The following GPC6 variants were observed in gnomAD, a reference collection of about 807,000 sequenced individuals.
The protein encoded by GPC6 is glypican-6.
GPC6 carries 14 observed loss-of-function variants against 55.2 expected under a neutral mutation model. That is an observed-to-expected ratio of 0.25 (90% CI 0.17 to 0.40). The LOEUF is 0.40. Among genes scored for constraint, GPC6 ranks in the 10% least tolerant of loss-of-function variants. GPC6 has a pLI of 1.00. For missense variants in GPC6, 641 were observed against 708.5 expected (o/e 0.90, Z 1.08); for synonymous variants, 278 against 259.6 (o/e 1.07, Z -0.68).
chr13:94,002,596 A>G (rs1359732124), intron 3 of GPC6, among the ~76,000 whole-genome samples: 1 of 152,188 alleles, frequency 6.6e-6, no homozygotes, highest in East Asian at 1.9e-4. Context: ...ATGTAAAAGC[A>G]AAGGGAATTA....
chr13:94,111,601 C>A (rs1275133964), intron 4 of GPC6, among the ~76,000 whole-genome samples: 2 of 151,838 alleles, frequency 1.3e-5, no homozygotes, highest in Non-Finnish European at 2.9e-5. Flanking sequence ...GTGAATTATT[C>A]TCTGATTTCT....
At chr13:93,786,233 T>A (rs980413377) in intron 2 of GPC6, among the ~76,000 whole-genome samples, 1 of 152,084 alleles carries the variant, frequency 6.6e-6, no homozygotes, top group Non-Finnish European at 1.5e-5. Context: ...GCAGGAGAAG[T>A]GTAATGAAGC....
intron 2 of GPC6, among the ~76,000 whole-genome samples, chr13:93,610,820 A>G (rs1878430337): frequency 6.6e-6 from 1 of 152,062 alleles, no homozygotes. Context: ...GCTGATTGCA[A>G]CTGACTGGAT....
Position 93,830,484 on chromosome 13 carries a change from C to T in GPC6, c.650C>T (p.Ala217Val). The T allele has an allele frequency of 1.2e-6, 2 of 1,613,862 alleles. No individual in the cohort carries two copies. Among genetic ancestry groups the T allele is most frequent in the Non-Finnish European group, 1.7e-6 (2 of 1,179,844 alleles). The change falls in exon 3 of 9, where the codon GCT (alanine) becomes GTT (valine). Residue 217 changes from alanine (A) to valine (V), a missense_variant. Ala to Val is a moderately conservative substitution (Grantham distance 64). Coordinates refer to ENST00000377047, the MANE Select transcript of GPC6 (RefSeq NM_005708.5). ...LKIQVTRAFI[A>V]ARTFVQGLTV... ...ATTCAGGTTACCCGCGCCTTCATTGCTGCCAGGACCTTTGTCCAGGGGCTG... is the reference window on the plus strand; with the variant it reads ...ATTCAGGTTACCCGCGCCTTCATTGTTGCCAGGACCTTTGTCCAGGGGCTG...
intron 2 of GPC6, among the ~76,000 whole-genome samples, chr13:93,730,247 C>T (rs945837860): frequency 6.6e-6 from 1 of 152,160 alleles, no homozygotes; most frequent in South Asian, 2.1e-4. Context: ...CTATACCAGA[C>T]ACTCATCAAG....
intron 1 of GPC6, among the ~76,000 whole-genome samples, chr13:93,304,979 T>C (rs1442788805): frequency 1.3e-5 from 2 of 152,196 alleles, no homozygotes; most frequent in Non-Finnish European, 2.9e-5. Flanking sequence ...CCAGCCTTCA[T>C]TCCTCAACTT....
intron 6 of GPC6, among the ~76,000 whole-genome samples, chr13:94,339,751 CTTTTTTTT>C (rs56074677): frequency 3.9e-4 from 25 of 63,814 alleles, no homozygotes; most frequent in African/African-American, 1.3e-3. Context: ...GCATACTTTC[CTTTTTTTT>C]TTTTTTTTTT....
chr13:94,306,279 T>C, intron 6 of GPC6, 156 bp downstream of exon 6: 1 of 781,970 alleles, frequency 1.3e-6, no homozygotes, highest in East Asian at 2.7e-5. Flanking sequence ...AGTAATGGGA[T>C]CTTTCTTTTG....
At chr13:94,325,621 T>C (rs1877077319) in intron 6 of GPC6, among the ~76,000 whole-genome samples, 1 of 152,240 alleles carries the variant, frequency 6.6e-6, no homozygotes, top group Non-Finnish European at 1.5e-5. Flanking sequence ...GCATAAGTTA[T>C]TTAAAAGGCT....
chr13:94,047,610 A>G (rs572352567), intron 4 of GPC6, among the ~76,000 whole-genome samples: 1 of 152,230 alleles, frequency 6.6e-6, no homozygotes, highest in South Asian at 2.1e-4. Flanking sequence ...CGGATTTGCA[A>G]ATTACTCTGG....
chr13:94,297,236 G>A (rs1191987938), intron 5 of GPC6, among the ~76,000 whole-genome samples: 1 of 152,126 alleles, frequency 6.6e-6, no homozygotes, highest in African/African-American at 2.4e-5. Flanking sequence ...GAGCAGGGAC[G>A]TGTCCAATTG....
intron 4 of GPC6, among the ~76,000 whole-genome samples, chr13:94,205,871 A>T (rs1164673636): frequency 1.3e-5 from 2 of 152,228 alleles, no homozygotes; most frequent in Admixed American, 1.3e-4. Flanking sequence ...GTTATCTGGA[A>T]CACTGGTTTT....
intron 3 of GPC6, among the ~76,000 whole-genome samples, chr13:93,909,678 G>A (rs1876858900): frequency 6.6e-6 from 1 of 151,520 alleles, no homozygotes; most frequent in Non-Finnish European, 1.5e-5. Flanking sequence ...ACCCATGATT[G>A]GGTACTCAGA....
At chr13:93,322,958 G>T (rs1879510344) in intron 1 of GPC6, among the ~76,000 whole-genome samples, 1 of 151,484 alleles carries the variant, frequency 6.6e-6, no homozygotes, top group South Asian at 2.1e-4. Flanking sequence ...CACCCCCTTA[G>T]TCTTAGGGTC....
chr13:93,318,235 T>G (rs1879309454), intron 1 of GPC6, among the ~76,000 whole-genome samples: 1 of 152,148 alleles, frequency 6.6e-6, no homozygotes, highest in South Asian at 2.1e-4. Context: ...GCATTCTAGT[T>G]TGTTGAATGG....
At chr13:93,628,049 C>T (rs150608546) in intron 2 of GPC6, among the ~76,000 whole-genome samples, 296 of 152,208 alleles carry the variant, frequency 1.9e-3, no homozygotes, top group African/African-American at 7.0e-3. Flanking sequence ...TTCTTAAGCA[C>T]CAAAGAAGTC....
At chr13:94,373,551 ATATGGGAC>A (rs1879690622) in intron 6 of GPC6, among the ~76,000 whole-genome samples, 1 of 152,214 alleles carries the variant, frequency 6.6e-6, no homozygotes, top group Admixed American at 6.5e-5. Context: ...CCTCCAAGAA[ATATGGGAC>A]TATGTGAAAA....
intron 4 of GPC6, among the ~76,000 whole-genome samples, chr13:94,113,982 A>C (rs1886337248): frequency 7.0e-6 from 1 of 142,196 alleles, no homozygotes. Context: ...TCGCCACTGC[A>C]CTCCAGCCTG....
Position 94,067,486 on chromosome 13 carries a change from C to G in GPC6, c.877+39592C>G, listed in dbSNP as rs569827630. On this transcript the variant is annotated intron_variant, in intron 4 of 8. Transcript: ENST00000377047. The stretch of plus-strand genomic sequence containing the variant: ...CCTCTCTCTGTCTGTCTGTCTCTCT[C>G]TCTCTCTCTCTCTCTCTGTGTCTAT... 5.5e-4 allele frequency among the ~76,000 whole-genome samples: 84 copies of G among 152,086 alleles called. No homozygotes were observed. The Middle Eastern group carries it at 0.01, about 18-fold the overall frequency.
Sources: allele counts gnomAD v4.1 joint callset (sites outside exome capture counted in the v4.1 genomes callset), GRCh38; gene constraint gnomAD v4.1.1; transcripts MANE v1.5; gene names NCBI Gene and HGNC (gene_info 2026-07-23, HGNC 2026-07-21).